The following SLC6A7 variants were observed in gnomAD, a reference collection of about 807,000 sequenced individuals.
The protein encoded by SLC6A7 is sodium-dependent proline transporter.
Under a neutral mutation model 73.1 loss-of-function variants are expected in SLC6A7, and 58 were observed. The ratio of observed to expected loss-of-function variants is 0.79; its 90% CI spans 0.64 to 0.99. The LOEUF is 0.99. SLC6A7 is among the 50% of genes least tolerant of loss of function. SLC6A7 has a pLI of 0.00. For synonymous variants in SLC6A7, 338 were observed against 338.7 expected, an observed-to-expected ratio of 1.00 and a Z score of 0.02; for missense variants, 783 against 831.4, an observed-to-expected ratio of 0.94 and a Z score of 0.72.
intron 6 of SLC6A7, 72 bp from the exon 7 acceptor site, chr5:150,202,275 T>G (rs1753421849): frequency 9.5e-7 from 1 of 1,057,768 alleles, no homozygotes; most frequent in Non-Finnish European, 1.5e-6. Context: ...TGTCACACCA[T>G]CTTCATTCAC....
In SLC6A7 at chr5:150,209,368, T is replaced by C. The variant is rs767427958; in HGVS notation, c.1702-38T>C. 3 of 1,564,544 alleles carry C rather than the reference T, an allele frequency of 1.9e-6. No individual in the cohort carries two copies. The Admixed American group carries it at 5.0e-5, about 26-fold the overall frequency. ...CAGTGAACCCTCCACCAGCGCTGCCTGTTTCCTGTTTTCACTGCTCTCGTT... is the reference window on the plus strand; with the variant it reads ...CAGTGAACCCTCCACCAGCGCTGCCCGTTTCCTGTTTTCACTGCTCTCGTT... On this transcript the variant is annotated intron_variant, in intron 13 of 13. Transcript: ENST00000230671.
In SLC6A7 at chr5:150,209,563, CG is replaced by C; in HGVS notation, c.1861del (p.Ala621ProfsTer15). 1.9e-6 allele frequency: 3 copies of C among 1,613,804 alleles called. No homozygotes were observed. Among genetic ancestry groups the C allele is most frequent in the Non-Finnish European group, 2.5e-6 (3 of 1,179,848 alleles). Reference protein sequence around the residue: ...KYGGITSFENTAIEVDREIAE... With the variant: ...KYGGITSFENXAIEVDREIAE... ...GGGGGCATCACCAGCTTCGAGAACA[CG>C]GCCATCGAGGTGGACCGTGAGATTG... On this transcript the variant is annotated frameshift_variant, in exon 14 of 14. Coordinates refer to ENST00000230671, the MANE Select transcript of SLC6A7 (RefSeq NM_014228.5). LOFTEE classifies it high-confidence loss of function.
At position 150,202,339 on chromosome 5, in the gene SLC6A7, C is replaced by A; in HGVS notation, c.859-8C>A. Reference sequence around the variant, plus strand: ...GCACACCCTCCCTTTCCATCCTTCCCGGCACAGGTGTGGATTGAAGCTGCT... The same window carrying A: ...GCACACCCTCCCTTTCCATCCTTCCAGGCACAGGTGTGGATTGAAGCTGCT... On this transcript the variant is annotated splice_polypyrimidine_tract_variant and splice_region_variant and intron_variant, in intron 6 of 13. Coordinates refer to ENST00000230671, the MANE Select transcript of SLC6A7 (RefSeq NM_014228.5). 1 of 1,602,268 alleles carries A rather than the reference C, an allele frequency of 6.2e-7. No homozygotes were observed. Among genetic ancestry groups the A allele is most frequent in the Non-Finnish European group, 8.6e-7 (1 of 1,169,316 alleles).
intron 13 of SLC6A7, among the ~76,000 whole-genome samples, chr5:150,206,109 T>G: frequency 6.6e-6 from 1 of 152,200 alleles, no homozygotes. Context: ...GAGAGTGCAC[T>G]CTGCCACAGG....
rs754460205 is a variant in SLC6A7 at position 150,194,682 on chromosome 5, T to C, written c.34-46T>C. 18 of 1,480,476 alleles carry C rather than the reference T, an allele frequency of 1.2e-5. No individual in the cohort carries two copies. In the East Asian group the frequency reaches 3.9e-4, roughly 32 times the overall value. The allele number at this position is 1,480,476 out of a possible 1,614,324, so 91.7% of individuals were successfully genotyped here. A position where few individuals can be genotyped will look rare whatever the true frequency, so the allele number is the denominator to read the frequency against. On this transcript the variant is annotated intron_variant, in intron 1 of 13. Transcript: ENST00000230671. Reference sequence around the variant, plus strand: ...TTGTCTTGAGGTCACATTTCTGGCCTGGCCTCAGTCTTCTCCCCAACCTCT... The same window carrying C: ...TTGTCTTGAGGTCACATTTCTGGCCCGGCCTCAGTCTTCTCCCCAACCTCT...
intron 4 of SLC6A7, among the ~76,000 whole-genome samples, chr5:150,198,115 G>GAAAGAAAGAAAGAAAGAAGGAAAGAAAA (rs1224170798): frequency 3.9e-5 from 3 of 77,534 alleles, no homozygotes; most frequent in African/African-American, 1.2e-4. Context: ...AAGAAAGAAA[G>GAAAGAAAGAAAGAAAGAAGGAAAGAAAA]AGAAAGAAAG....
At chr5:150,198,098 A>AGAAG (rs1753147800) in intron 4 of SLC6A7, among the ~76,000 whole-genome samples, 1 of 108,602 alleles carries the variant, frequency 9.2e-6, no homozygotes, top group Non-Finnish European at 2.1e-5. Flanking sequence ...AAAGAAAGAA[A>AGAAG]GAAAGAAAGA....
intron 1 of SLC6A7, among the ~76,000 whole-genome samples, chr5:150,193,567 T>A (rs573075238): frequency 1.3e-5 from 2 of 152,258 alleles, no homozygotes; most frequent in African/African-American, 4.8e-5. Flanking sequence ...GTACCAGTCC[T>A]AACCAAGGAG....
Position 150,199,378 on chromosome 5 carries a change from G to A in SLC6A7, c.723+12G>A. 2 of 1,602,574 alleles carry A rather than the reference G, an allele frequency of 1.2e-6. No homozygotes were observed. Among genetic ancestry groups the A allele is most frequent in the Non-Finnish European group, 1.7e-6 (2 of 1,170,412 alleles). On this transcript the variant is annotated intron_variant, in intron 5 of 13. Coordinates refer to ENST00000230671, the MANE Select transcript of SLC6A7 (RefSeq NM_014228.5). Reference sequence around the variant, plus strand: ...AGTCTTCGGGCAAGGTGAAGCCTGGGAGGCCCCGGAGGCCTGAGGGGCTGG... The same window carrying A: ...AGTCTTCGGGCAAGGTGAAGCCTGGAAGGCCCCGGAGGCCTGAGGGGCTGG...
chr5:150,201,650 G>C (rs1753389023), intron 6 of SLC6A7, among the ~76,000 whole-genome samples: 1 of 152,082 alleles, frequency 6.6e-6, no homozygotes, highest in Admixed American at 6.6e-5. Flanking sequence ...GGCTCAAAAG[G>C]GTTCTTATCA....
rs1251488067 is a variant in SLC6A7, at chr5:150,194,824, C to T, written c.130C>T (p.Leu44=). The T allele has an allele frequency of 6.8e-6, 11 of 1,614,048 alleles. No individual in the cohort carries two copies. Among genetic ancestry groups the T allele is most frequent in the Non-Finnish European group, 9.3e-6 (11 of 1,180,014 alleles). The change falls in exon 2 of 14, where the codon CTG becomes TTG. Residue 44 remains leucine, a synonymous_variant. Transcript: ENST00000230671. ...ACACCGGGGGAACTGGACAGGCAAG[C>T]TGGACTTCCTGCTGTCCTGCATTGG... The part of the protein sequence containing the change: ...AAHRGNWTGK[L]DFLLSCIGYC...
rs558435030 is a variant in SLC6A7, at chr5:150,209,669, A to C, written c.*54A>C. The C allele has an allele frequency of 1.9e-4, 260 of 1,395,466 alleles. No homozygotes were observed. In the Middle Eastern group the frequency reaches 2.5e-3, roughly 13 times the overall value. The allele number at this position is 1,395,466 out of a possible 1,614,324, so 86.4% of individuals were successfully genotyped here. ...GCCCGGGACCTCACAGTCCCTTCTT[A>C]GAAGCCTGCAAAGGTCAGCTGTGCC... is the stretch of plus-strand genomic sequence containing the variant. On this transcript the variant is annotated 3_prime_UTR_variant, in exon 14 of 14. Transcript: ENST00000230671.
intron 6 of SLC6A7, 127 bp from the exon 7 acceptor site, chr5:150,202,220 G>T: frequency 1.4e-6 from 1 of 693,750 alleles, no homozygotes. Context: ...TTGTGAGCCA[G>T]GCTCATGACC....
At chr5:150,208,552 G>C (rs1050028512) in intron 13 of SLC6A7, among the ~76,000 whole-genome samples, 1 of 152,170 alleles carries the variant, frequency 6.6e-6, no homozygotes, top group South Asian at 2.1e-4. Flanking sequence ...TGAGCAGTGG[G>C]GTAGCATGCG....
chr5:150,194,249 G>C (rs1752911614), intron 1 of SLC6A7, among the ~76,000 whole-genome samples: 1 of 152,018 alleles, frequency 6.6e-6, no homozygotes, highest in African/African-American at 2.4e-5. Context: ...CTAACACGGT[G>C]AAACCCTGTC....
At chr5:150,194,224 C>G (rs1408278927) in intron 1 of SLC6A7, among the ~76,000 whole-genome samples, 5 of 151,984 alleles carry the variant, frequency 3.3e-5, no homozygotes, top group African/African-American at 1.2e-4. Context: ...GGTCAGGAGA[C>G]CAAGACCATC....
rs41287118 is a variant in SLC6A7 at position 150,202,251 on chromosome 5, G to A, written c.859-96G>A. The A allele has an allele frequency of 6.9e-3, 5,892 of 854,008 alleles. 34 individuals are homozygous for A. The highest frequency in any genetic ancestry group is 9.5e-3 in the Non-Finnish European group (4,799 of 506,606). The allele number at this position is 854,008 out of a possible 1,614,324, so 52.9% of individuals were successfully genotyped here. On this transcript the variant is annotated intron_variant, in intron 6 of 13. Transcript: ENST00000230671. Reference sequence around the variant, plus strand: ...TGACCACGCCATCCCTCGTGACCACGCCATCCCTGGAGCTGTCACACCATC... The same window carrying A: ...TGACCACGCCATCCCTCGTGACCACACCATCCCTGGAGCTGTCACACCATC...
At chr5:150,206,122 C>T (rs1169290009) in intron 13 of SLC6A7, among the ~76,000 whole-genome samples, 1 of 152,192 alleles carries the variant, frequency 6.6e-6, no homozygotes, top group Admixed American at 6.5e-5. Flanking sequence ...GCCACAGGGT[C>T]TGAGGCCTTG....
At chr5:150,197,310 G>C (rs1753085926) in intron 4 of SLC6A7, 34 bp downstream of exon 4, 2 of 1,454,778 alleles carry the variant, frequency 1.4e-6, no homozygotes, top group Admixed American at 1.8e-5. Context: ...GCATCTGAGG[G>C]GACCCTGCAC....
Sources: allele counts gnomAD v4.1 joint callset (sites outside exome capture counted in the v4.1 genomes callset), GRCh38; gene constraint gnomAD v4.1.1; transcripts MANE v1.5; gene names NCBI Gene and HGNC (gene_info 2026-07-23, HGNC 2026-07-21).